SYNPO2: variants seen among roughly 807,000 people sequenced by gnomAD.
SYNPO2 encodes synaptopodin 2.
A neutral mutation model predicts 85.0 loss-of-function variants in SYNPO2; 56 were observed. The ratio of observed to expected loss-of-function variants is 0.66; its 90% CI spans 0.53 to 0.82. The LOEUF (loss-of-function observed/expected upper bound fraction) is 0.82, where lower values mean the gene tolerates loss of function less well. Among genes scored for constraint, SYNPO2 ranks in the 40% least tolerant of loss-of-function variants. SYNPO2 has a pLI of 0.00. For missense variants in SYNPO2, 1,575 were observed against 1,534.2 expected, an observed-to-expected ratio of 1.03 and a Z score of -0.44; for synonymous variants, 602 against 591.1, an observed-to-expected ratio of 1.02 and a Z score of -0.27.
At chr4:119,036,649 G>T in intron 4 of SYNPO2, 1 of 985,452 alleles carries the variant, frequency 1.0e-6, no homozygotes, top group Non-Finnish European at 1.2e-6. Flanking sequence ...TCCTATGAGC[G>T]TCATGCCAAT....
intron 4 of SYNPO2, among the ~76,000 whole-genome samples, chr4:119,054,129 T>C (rs75940095): frequency 0.055 from 8,315 of 152,152 alleles, 673 homozygotes; most frequent in African/African-American, 0.18. Context: ...CATGAGTGAG[T>C]GAGTGTGGGA....
At chr4:118,869,509 A>G (rs1578508082) in intron 1 of SYNPO2, among the ~76,000 whole-genome samples, 3 of 152,208 alleles carry the variant, frequency 2.0e-5, no homozygotes, top group South Asian at 2.1e-4. Flanking sequence ...ATTTGATTCT[A>G]TGCAATTTCA....
chr4:118,965,909 C>G (rs1018165285), intron 1 of SYNPO2, among the ~76,000 whole-genome samples: 17 of 147,548 alleles, frequency 1.2e-4, no homozygotes, highest in African/African-American at 4.2e-4. Context: ...ATATGAGGCC[C>G]TGTCACTACA....
chr4:119,012,420 G>A (rs1737354222), intron 1 of SYNPO2, among the ~76,000 whole-genome samples: 2 of 118,744 alleles, frequency 1.7e-5, no homozygotes, highest in Admixed American at 2.2e-4. Context: ...TGGGATACAT[G>A]TGCAGAACGT....
intron 1 of SYNPO2, among the ~76,000 whole-genome samples, chr4:118,952,513 G>T (rs919519295): frequency 6.6e-6 from 1 of 152,038 alleles, no homozygotes. Flanking sequence ...ATGAATTCAA[G>T]TTACTTGTAA....
rs147426423 is a variant in SYNPO2 at position 119,026,735 on chromosome 4, G to A, written c.366G>A (p.Pro122=). 6.8e-6 allele frequency: 11 copies of A among 1,613,972 alleles called. No homozygotes were observed. The African/African-American group carries it at 1.1e-4, about 16-fold the overall frequency. ...YVESTTLQIR[P]ATKTQCTEFF... ...AAAGTACCACCCTGCAGATTCGACC[G>A]GCCACAAAGACCCAGTGCACAGAAT... The change falls in exon 3 of 5, where the codon CCG becomes CCA. Residue 122 remains proline, a synonymous_variant. Coordinates refer to ENST00000307142, the MANE Select transcript of SYNPO2 (RefSeq NM_133477.3).
chr4:119,017,773 T>C (rs979761862), intron 1 of SYNPO2, among the ~76,000 whole-genome samples: 1 of 152,188 alleles, frequency 6.6e-6, no homozygotes, highest in Non-Finnish European at 1.5e-5. Context: ...ACTCTGACAT[T>C]TTCCAACAGT....
intron 4 of SYNPO2, among the ~76,000 whole-genome samples, chr4:119,047,260 A>G (rs530325923): frequency 4.7e-4 from 71 of 152,306 alleles, no homozygotes; most frequent in African/African-American, 1.7e-3. Context: ...GGGTTTCACC[A>G]TGTTGGCCAG....
chr4:118,881,868 C>A (rs1732110445), intron 1 of SYNPO2, among the ~76,000 whole-genome samples: 1 of 152,236 alleles, frequency 6.6e-6, no homozygotes, highest in Admixed American at 6.5e-5. Context: ...TTCCTGGAAA[C>A]CACACAAGTA....
chr4:118,892,205 A>T (rs1732400041), intron 1 of SYNPO2, among the ~76,000 whole-genome samples: 1 of 152,190 alleles, frequency 6.6e-6, no homozygotes. Context: ...TCATTATCAA[A>T]ACTTGTCATT....
chr4:119,039,959 C>A lies in SYNPO2; in HGVS notation c.3252+7932C>A, dbSNP rs182202292. On this transcript the variant is annotated intron_variant, in intron 4 of 4. Coordinates refer to ENST00000307142, the MANE Select transcript of SYNPO2 (RefSeq NM_133477.3). ...GTGGGCTCTAGGGCCGCGCTGCCTG[C>A]CTCTGAGTCCCAGGCCTGCCTCCTG... is the stretch of plus-strand genomic sequence containing the variant. Among the ~76,000 whole-genome samples, 51 of 152,268 alleles carry A rather than the reference C, an allele frequency of 3.3e-4. 2 individuals are homozygous for A. Among genetic ancestry groups the A allele is most frequent in the African/African-American group, 1.2e-3 (51 of 41,524 alleles).
chr4:118,959,384 G>T (rs1734992462), intron 1 of SYNPO2, among the ~76,000 whole-genome samples: 1 of 152,136 alleles, frequency 6.6e-6, no homozygotes, highest in Non-Finnish European at 1.5e-5. Flanking sequence ...AAGAGTGATG[G>T]TTACCATTAT....
chr4:119,001,621 A>G (rs1298820973), intron 1 of SYNPO2, among the ~76,000 whole-genome samples: 1 of 152,118 alleles, frequency 6.6e-6, no homozygotes, highest in Non-Finnish European at 1.5e-5. Context: ...AAAAGCCATG[A>G]CGCTTTTTAA....
rs374464908 is a variant in SYNPO2, at chr4:119,038,507, ACT to A, written c.3252+6483_3252+6484del. ...ATTTTTAAAAATAAAGCATAATCAA[ACT>A]CTGCATAAAAGGAAGTGCTCCCTTT... is the stretch of plus-strand genomic sequence containing the variant. On this transcript the variant is annotated intron_variant, in intron 4 of 4. Transcript: ENST00000307142. 1,544 of 985,402 alleles carry A rather than the reference ACT, an allele frequency of 1.6e-3. 16 individuals are homozygous for A. In the African/African-American group the frequency reaches 0.025, roughly 16 times the overall value. 61.0% of individuals were successfully genotyped at this position (985,402 alleles called of 1,614,324 possible).
In SYNPO2 at chr4:119,012,015, C is replaced by T. The variant is rs994898248; in HGVS notation, c.106-11415C>T. Among the ~76,000 whole-genome samples the T allele has an allele frequency of 1.3e-4, 19 of 151,420 alleles. 1 individual carries two copies. Among genetic ancestry groups the T allele is most frequent in the Admixed American group, 8.6e-4 (13 of 15,186 alleles). ...TTGGCTCACTGCAACCTCCACATCC[C>T]GGATTCAAGTAATTCTCCTGCCTCA... On this transcript the variant is annotated intron_variant, in intron 1 of 4. Transcript: ENST00000307142.
intron 1 of SYNPO2, among the ~76,000 whole-genome samples, chr4:118,977,276 T>C (rs62327840): frequency 0.045 from 6,860 of 152,316 alleles, 195 homozygotes; most frequent in South Asian, 0.063. Flanking sequence ...GTACACCCTC[T>C]GCAGCCACTG....
chr4:119,032,929 T>TTGCCCCCC, intron 4 of SYNPO2: 7 of 905,304 alleles, frequency 7.7e-6, no homozygotes, highest in Non-Finnish European at 9.2e-6. Flanking sequence ...AAAGGTTGAT[T>TTGCCCCCC]CCCACCCTCC....
chr4:118,986,762 AT>A (rs1736237042), intron 1 of SYNPO2, among the ~76,000 whole-genome samples: 1 of 152,132 alleles, frequency 6.6e-6, no homozygotes, highest in South Asian at 2.1e-4. Context: ...TCCATCCTCT[AT>A]TTCAGGATGC....
intron 1 of SYNPO2, among the ~76,000 whole-genome samples, chr4:119,005,440 A>C (rs6855203): frequency 0.86 from 127,052 of 148,310 alleles, 54,578 homozygotes; most frequent in South Asian, 0.93. Flanking sequence ...TCAGCTTTCT[A>C]CATATGGCTA....
Sources: allele counts gnomAD v4.1 joint callset (sites outside exome capture counted in the v4.1 genomes callset), GRCh38; gene constraint gnomAD v4.1.1; transcripts MANE v1.5; gene names NCBI Gene and HGNC (gene_info 2026-07-23, HGNC 2026-07-21).